The following PRKCA variants were observed in gnomAD, a reference collection of about 807,000 sequenced individuals.
The protein encoded by PRKCA is protein kinase C alpha type.
PRKCA carries 27 observed loss-of-function variants against 87.0 expected under a neutral mutation model. The ratio of observed to expected loss-of-function variants is 0.31; its 90% CI spans 0.23 to 0.43. PRKCA has a LOEUF of 0.43. PRKCA is among the 20% of genes least tolerant of loss of function. The pLI, the probability that PRKCA is intolerant of heterozygous loss-of-function variation, is 1.00. For synonymous variants in PRKCA, 329 were observed against 311.1 expected, an observed-to-expected ratio of 1.06 and a Z score of -0.61; for missense variants, 518 against 852.3, an observed-to-expected ratio of 0.61 and a Z score of 4.88.
intron 3 of PRKCA, among the ~76,000 whole-genome samples, chr17:66,511,664 C>G (rs191258997): frequency 3.6e-4 from 54 of 151,462 alleles, no homozygotes; most frequent in Middle Eastern, 3.4e-3. Context: ...CAAATCAGGT[C>G]ATTCTCTCAT....
intron 5 of PRKCA, chr17:66,676,310 A>G (rs17688881): frequency 0.33 from 49,879 of 152,072 alleles, 8,826 homozygotes; most frequent in Non-Finnish European, 0.38. Flanking sequence ...CCCTTTTTCT[A>G]TCTGGTCCAG....
intron 3 of PRKCA, among the ~76,000 whole-genome samples, chr17:66,602,974 C>T (rs1004691409): frequency 3.3e-5 from 5 of 152,156 alleles, no homozygotes; most frequent in African/African-American, 1.2e-4. Context: ...GTCTCTCTTT[C>T]CCTTCTTTCT....
chr17:66,572,265 G>A (rs141392779), intron 3 of PRKCA, among the ~76,000 whole-genome samples: 3,629 of 152,220 alleles, frequency 0.024, 128 homozygotes, highest in Admixed American at 0.063. Flanking sequence ...TCAGGAGTTC[G>A]AGACCAGCCT....
At chr17:66,551,901 G>A (rs1968347090) in intron 3 of PRKCA, among the ~76,000 whole-genome samples, 1 of 152,144 alleles carries the variant, frequency 6.6e-6, no homozygotes, top group Non-Finnish European at 1.5e-5. Flanking sequence ...TGAAAAATGT[G>A]TAGGATTTTG....
rs1972234965 is a variant in PRKCA, at chr17:66,673,025, T to C, written c.530-14086T>C. The stretch of plus-strand genomic sequence containing the variant: ...GTTACTCCTATAATAAGAAAAAAAT[T>C]TTCTTAAATATCTTCCTACGTTGTT... On this transcript the variant is annotated intron_variant, in intron 5 of 16. Coordinates refer to ENST00000413366, the MANE Select transcript of PRKCA (RefSeq NM_002737.3). 2.0e-5 allele frequency among the ~76,000 whole-genome samples: 3 copies of C among 152,150 alleles called. No individual in the cohort carries two copies. In the South Asian group the frequency reaches 6.2e-4, roughly 32 times the overall value.
intron 13 of PRKCA, among the ~76,000 whole-genome samples, chr17:66,755,710 A>G (rs543659447): frequency 5.9e-5 from 9 of 152,274 alleles, no homozygotes; most frequent in African/African-American, 2.2e-4. Context: ...TTTCCAGTCC[A>G]GCATGTTAGG....
chr17:66,321,961 G>A (rs959861120), intron 2 of PRKCA, among the ~76,000 whole-genome samples: 10 of 152,126 alleles, frequency 6.6e-5, no homozygotes, highest in African/African-American at 2.4e-4. Context: ...TCTAACAACT[G>A]GAGTTCTTTC....
chr17:66,346,087 CTTTTTTTGCT>C (rs1567782316), intron 2 of PRKCA, among the ~76,000 whole-genome samples: 3 of 145,320 alleles, frequency 2.1e-5, no homozygotes, highest in African/African-American at 7.9e-5. Context: ...ATTGCGTTAT[CTTTTTTTGCT>C]TTTTTTTTTT....
At chr17:66,479,713 A>G (rs1567850166) in intron 2 of PRKCA, among the ~76,000 whole-genome samples, 3 of 152,318 alleles carry the variant, frequency 2.0e-5, no homozygotes, top group Middle Eastern at 3.4e-3. Context: ...AGGGAAATGG[A>G]TGGAGCTGGA....
intron 2 of PRKCA, among the ~76,000 whole-genome samples, chr17:66,314,923 GTGTATA>G (rs1161019607): frequency 6.7e-6 from 1 of 149,490 alleles, no homozygotes; most frequent in Non-Finnish European, 1.5e-5. Context: ...GTGTATATGT[GTGTATA>G]TATATGTGTG....
intron 13 of PRKCA, among the ~76,000 whole-genome samples, chr17:66,756,188 G>A (rs746450267): frequency 6.6e-6 from 1 of 152,166 alleles, no homozygotes; most frequent in Non-Finnish European, 1.5e-5. Context: ...AATAACCATT[G>A]TGAAATATGC....
intron 2 of PRKCA, among the ~76,000 whole-genome samples, chr17:66,448,138 G>A (rs1056358428): frequency 1.3e-5 from 2 of 152,170 alleles, no homozygotes; most frequent in Non-Finnish European, 2.9e-5. Flanking sequence ...TTTGTGTTCT[G>A]TGTATTCTGT....
chr17:66,786,071 G>A lies in PRKCA; in HGVS notation c.1606-796G>A, dbSNP rs899221973. 4.6e-5 allele frequency among the ~76,000 whole-genome samples: 7 copies of A among 152,198 alleles called. No homozygotes were observed. The East Asian group carries it at 7.7e-4, about 17-fold the overall frequency. On this transcript the variant is annotated intron_variant, in intron 14 of 16. Transcript: ENST00000413366. ...TCTCGATCACCTGCCCTTGTGATCCGCCCGCCTCGGCCTCCCAAAGTGCTG... is the reference window on the plus strand; with the variant it reads ...TCTCGATCACCTGCCCTTGTGATCCACCCGCCTCGGCCTCCCAAAGTGCTG...
chr17:66,434,533 G>A (rs906533533), intron 2 of PRKCA, among the ~76,000 whole-genome samples: 10 of 152,188 alleles, frequency 6.6e-5, no homozygotes, highest in African/African-American at 2.4e-4. Flanking sequence ...TGCTGGAGTT[G>A]TTTTAGCAAA....
intron 14 of PRKCA, among the ~76,000 whole-genome samples, chr17:66,779,399 T>C (rs1157875869): frequency 3.9e-5 from 6 of 152,118 alleles, no homozygotes; most frequent in Admixed American, 3.9e-4. Context: ...ATGAGCACCT[T>C]GTGCCTGCAA....
At chr17:66,735,955 C>G (rs61760359) in intron 10 of PRKCA, among the ~76,000 whole-genome samples, 1 of 139,064 alleles carries the variant, frequency 7.2e-6, no homozygotes, top group Non-Finnish European at 1.5e-5. Context: ...GGATCTCACT[C>G]TCTCGCCCAG....
intron 3 of PRKCA, among the ~76,000 whole-genome samples, chr17:66,587,625 T>C (rs1969637653): frequency 1.3e-5 from 2 of 150,594 alleles, no homozygotes; most frequent in Non-Finnish European, 2.9e-5. Context: ...TAGATAGATA[T>C]AGATATATAG....
intron 3 of PRKCA, among the ~76,000 whole-genome samples, chr17:66,595,660 AC>A (rs1244664806): frequency 2.0e-5 from 3 of 151,442 alleles, no homozygotes; most frequent in South Asian, 2.1e-4. Context: ...ACAGGGTTTC[AC>A]CATGTTAGCT....
chr17:66,422,033 C>T (rs1912525606), intron 2 of PRKCA, among the ~76,000 whole-genome samples: 1 of 152,026 alleles, frequency 6.6e-6, no homozygotes. Context: ...CTCCTTGCCT[C>T]GTCGATGCCA....
Sources: gnomAD v4.1 joint callset for allele counts (sites outside exome capture counted in the v4.1 genomes callset) on GRCh38, gnomAD v4.1.1 for gene constraint, MANE v1.5 for transcripts, NCBI Gene and HGNC (gene_info 2026-07-23, HGNC 2026-07-21) for gene names.